SLC39A11: variants seen among roughly 807,000 people sequenced by gnomAD.
SLC39A11 encodes solute carrier family 39 member 11, also known as zinc transporter ZIP11.
A neutral mutation model predicts 36.1 loss-of-function variants in SLC39A11; 33 were observed. The observed-to-expected ratio is 0.91, with a 90% CI of 0.69 to 1.22. The LOEUF (loss-of-function observed/expected upper bound fraction) is 1.22, where lower values mean the gene tolerates loss of function less well. SLC39A11 is among the 50% of genes most tolerant of loss of function. SLC39A11 has a pLI of 0.00. For missense variants in SLC39A11, 432 were observed against 430.3 expected (o/e 1.00, Z -0.03); for synonymous variants, 166 against 170.3 (o/e 0.97, Z 0.20).
chr17:73,001,061 A>G (rs2089793275), intron 4 of SLC39A11, among the ~76,000 whole-genome samples: 1 of 152,070 alleles, frequency 6.6e-6, no homozygotes, highest in Admixed American at 6.6e-5. Context: ...CTAAGACACC[A>G]TCACCAGCCT....
intron 5 of SLC39A11, among the ~76,000 whole-genome samples, chr17:72,851,537 G>A (rs1262080531): frequency 6.6e-6 from 1 of 152,206 alleles, no homozygotes; most frequent in Non-Finnish European, 1.5e-5. Context: ...TTGGTCTGAG[G>A]CTGTACTTTG....
Position 73,004,696 on chromosome 17 carries a change from A to G in SLC39A11, c.306+26860T>C, listed in dbSNP as rs150429728. Among the ~76,000 whole-genome samples, 521 of 152,344 alleles carry G rather than the reference A, an allele frequency of 3.4e-3. 5 individuals are homozygous for G. Among genetic ancestry groups the G allele is most frequent in the African/African-American group, 0.012 (494 of 41,582 alleles). On this transcript the variant is annotated intron_variant, in intron 4 of 9. Transcript: ENST00000255559. ...TAAGACACCTGGAGGTTTCTACTTC[A>G]CCTGGTCAAGTCATTTGATCCTTAA...
chr17:72,970,837 T>C (rs546910251), intron 4 of SLC39A11, among the ~76,000 whole-genome samples: 16 of 152,284 alleles, frequency 1.1e-4, no homozygotes, highest in African/African-American at 3.9e-4. Flanking sequence ...GTGGAAAACT[T>C]ATTTCTCCTT....
At chr17:73,057,852 G>A (rs752120315) in intron 3 of SLC39A11, among the ~76,000 whole-genome samples, 2 of 152,170 alleles carry the variant, frequency 1.3e-5, no homozygotes, top group Non-Finnish European at 2.9e-5. Context: ...CACAAGAATC[G>A]CTTGAACCCC....
intron 4 of SLC39A11, among the ~76,000 whole-genome samples, chr17:72,996,699 T>C (rs752810254): frequency 6.6e-5 from 10 of 152,192 alleles, no homozygotes; most frequent in African/African-American, 1.4e-4. Context: ...GACCTCATCT[T>C]AACTAATTAC....
intron 3 of SLC39A11, among the ~76,000 whole-genome samples, chr17:73,081,036 CCA>C (rs1350466070): frequency 1.3e-5 from 2 of 151,514 alleles, no homozygotes; most frequent in African/African-American, 4.8e-5. Flanking sequence ...AACAGGCAAC[CCA>C]CAGAGTGGGA....
At chr17:72,867,408 G>A (rs1048694357) in intron 5 of SLC39A11, among the ~76,000 whole-genome samples, 1 of 152,164 alleles carries the variant, frequency 6.6e-6, no homozygotes, top group African/African-American at 2.4e-5. Context: ...GCTGAGGCAG[G>A]AGAATTGCTT....
At chr17:72,718,316 G>A (rs148764800) in intron 7 of SLC39A11, among the ~76,000 whole-genome samples, 7,071 of 152,230 alleles carry the variant, frequency 0.046, 210 homozygotes, top group African/African-American at 0.074. Flanking sequence ...GCAGGCGCCT[G>A]TAATCCCAGC....
intron 5 of SLC39A11, among the ~76,000 whole-genome samples, chr17:72,850,286 AAAAAAT>A (rs1299139606): frequency 1.3e-5 from 2 of 151,326 alleles, no homozygotes; most frequent in Non-Finnish European, 2.9e-5. Flanking sequence ...CCATCTCTAC[AAAAAAT>A]AAAAATAAAG....
Position 72,664,194 on chromosome 17 carries a change from AGTT to A in SLC39A11, c.672-14929_672-14927del, listed in dbSNP as rs1427112764. 2.0e-5 allele frequency: 3 copies of A among 152,600 alleles called. No individual in the cohort carries two copies. In the East Asian group the frequency reaches 5.8e-4, roughly 29 times the overall value. 9.5% of individuals were successfully genotyped at this position (152,600 alleles called of 1,614,324 possible). A position where few individuals can be genotyped will look rare whatever the true frequency, so the allele number is the denominator to read the frequency against. On this transcript the variant is annotated intron_variant, in intron 7 of 9. Coordinates refer to ENST00000255559, the MANE Select transcript of SLC39A11 (RefSeq NM_139177.4). ...AGGAGCTTTAAGTGCCTTTATAAACAGTTATTATTTCTATGACAGAGGAGGTCC... is the reference window on the plus strand; with the variant it reads ...AGGAGCTTTAAGTGCCTTTATAAACAATTATTTCTATGACAGAGGAGGTCC...
At chr17:72,733,848 C>G (rs975568986) in intron 7 of SLC39A11, among the ~76,000 whole-genome samples, 1 of 152,166 alleles carries the variant, frequency 6.6e-6, no homozygotes, top group African/African-American at 2.4e-5. Flanking sequence ...GTATGAACCC[C>G]ATAGCAGGCT....
At chr17:73,043,618 T>C (rs1283195564) in intron 3 of SLC39A11, among the ~76,000 whole-genome samples, 1 of 152,014 alleles carries the variant, frequency 6.6e-6, no homozygotes, top group East Asian at 1.9e-4. Flanking sequence ...GCAAGCAGAA[T>C]TGATTTAAGT....
intron 7 of SLC39A11, among the ~76,000 whole-genome samples, chr17:72,675,035 T>A (rs894067165): frequency 6.6e-6 from 1 of 151,958 alleles, no homozygotes; most frequent in African/African-American, 2.4e-5. Flanking sequence ...AGAGAGAAAG[T>A]TTATCCATCT....
intron 6 of SLC39A11, among the ~76,000 whole-genome samples, chr17:72,779,946 C>T (rs1212463197): frequency 6.6e-6 from 1 of 152,146 alleles, no homozygotes; most frequent in Non-Finnish European, 1.5e-5. Flanking sequence ...TCCACACCCC[C>T]TTCTACTCTC....
chr17:72,721,786 A>G (rs1041753725), intron 7 of SLC39A11, among the ~76,000 whole-genome samples: 1 of 152,128 alleles, frequency 6.6e-6, no homozygotes, highest in African/African-American at 2.4e-5. Context: ...CCTGGCTAAC[A>G]TGGCAAAACC....
At chr17:73,030,175 A>C (rs947828128) in intron 4 of SLC39A11, among the ~76,000 whole-genome samples, 2 of 152,202 alleles carry the variant, frequency 1.3e-5, no homozygotes, top group African/African-American at 4.8e-5. Flanking sequence ...CAGAAGATAA[A>C]GCTCACTTGG....
At chr17:72,710,942 A>G (rs1465884512) in intron 7 of SLC39A11, among the ~76,000 whole-genome samples, 1 of 152,222 alleles carries the variant, frequency 6.6e-6, no homozygotes, top group Non-Finnish European at 1.5e-5. Context: ...CCCAAAGTGA[A>G]GCTTCTAGAA....
intron 6 of SLC39A11, among the ~76,000 whole-genome samples, chr17:72,755,324 C>G (rs776786605): frequency 6.6e-6 from 1 of 152,186 alleles, no homozygotes; most frequent in South Asian, 2.1e-4. Flanking sequence ...AATCAGGAGG[C>G]GAAGGCCATA....
rs151322003 is a variant in SLC39A11 at position 73,016,938 on chromosome 17, G to A, written c.306+14618C>T. 4.5e-4 allele frequency among the ~76,000 whole-genome samples: 69 copies of A among 152,248 alleles called. No homozygotes were observed. The East Asian group carries it at 0.011, about 25-fold the overall frequency. ...AGAGACTCTAGCTCTCCACTTAAGC[G>A]CCTGTTAATTAAAAGAAATGCCTGT... On this transcript the variant is annotated intron_variant, in intron 4 of 9. Transcript: ENST00000255559.
Sources: gnomAD v4.1 joint callset for allele counts (sites outside exome capture counted in the v4.1 genomes callset) on GRCh38, gnomAD v4.1.1 for gene constraint, MANE v1.5 for transcripts, NCBI Gene and HGNC (gene_info 2026-07-23, HGNC 2026-07-21) for gene names.